The following CNBD2 variants were observed in gnomAD, a reference collection of about 807,000 sequenced individuals.
CNBD2 encodes the protein cyclic nucleotide-binding domain-containing protein 2.
In CNBD2, 64 loss-of-function variants were observed where a neutral mutation model predicts 63.7. That is an observed-to-expected ratio of 1.00 (90% CI 0.82 to 1.24). CNBD2 has a LOEUF of 1.24. CNBD2 is among the 50% of genes most tolerant of loss of function. The pLI, the probability that CNBD2 is intolerant of heterozygous loss-of-function variation, is 0.00. For synonymous variants in CNBD2, 229 were observed against 255.4 expected (o/e 0.90, Z 0.99); for missense variants, 691 against 713.5 (o/e 0.97, Z 0.36).
intron 11 of CNBD2, among the ~76,000 whole-genome samples, chr20:36,028,531 AC>A (rs1289818522): frequency 6.6e-6 from 1 of 152,160 alleles, no homozygotes; most frequent in Non-Finnish European, 1.5e-5. Context: ...CCTACAGAGC[AC>A]AGGGCGGCCC....
intron 9 of CNBD2, among the ~76,000 whole-genome samples, 174 bp from the exon 10 acceptor site, chr20:36,010,963 A>G (rs1444981336): frequency 6.6e-6 from 1 of 151,962 alleles, no homozygotes; most frequent in Non-Finnish European, 1.5e-5. Context: ...CGCACCCTCC[A>G]ATTCCTGACA....
chr20:35,988,881 T>G (rs993865913), intron 7 of CNBD2, among the ~76,000 whole-genome samples: 4 of 152,240 alleles, frequency 2.6e-5, no homozygotes, highest in African/African-American at 9.6e-5. Context: ...TACTGAGGAT[T>G]TGATATTTTT....
chr20:35,980,199 T>C (rs1238980692), intron 3 of CNBD2, among the ~76,000 whole-genome samples: 1 of 152,092 alleles, frequency 6.6e-6, no homozygotes, highest in Non-Finnish European at 1.5e-5. Context: ...GATGTCAGCG[T>C]TGATATGTGT....
At chr20:36,029,609 A>G (rs2057320581) in intron 11 of CNBD2, among the ~76,000 whole-genome samples, 1 of 152,118 alleles carries the variant, frequency 6.6e-6, no homozygotes, top group Admixed American at 6.6e-5. Context: ...GCTTTGTCAT[A>G]TTGCTGATGC....
In CNBD2 at chr20:36,009,843, A is replaced by C. The variant is rs562785145; in HGVS notation, c.1149-1294A>C. 3.3e-5 allele frequency among the ~76,000 whole-genome samples: 5 copies of C among 152,270 alleles called. No individual in the cohort carries two copies. The East Asian group carries it at 9.7e-4, about 30-fold the overall frequency. Reference sequence around the variant, plus strand: ...CGAGACTGCATCTCAAAAACAAAACAAAACCCCTTTTCTGTGCCCAGTACT... The same window carrying C: ...CGAGACTGCATCTCAAAAACAAAACCAAACCCCTTTTCTGTGCCCAGTACT... On this transcript the variant is annotated intron_variant, in intron 9 of 11. Coordinates refer to ENST00000373973, the MANE Select transcript of CNBD2 (RefSeq NM_001365709.1).
intron 2 of CNBD2, among the ~76,000 whole-genome samples, chr20:35,975,290 C>A (rs574180278): frequency 1.6e-5 from 2 of 125,156 alleles, no homozygotes; most frequent in East Asian, 2.2e-4. Context: ...CGTGAGCCAC[C>A]GCGCCCGGCC....
intron 1 of CNBD2, among the ~76,000 whole-genome samples, chr20:35,970,031 C>G (rs1386037414): frequency 2.0e-5 from 3 of 152,164 alleles, no homozygotes; most frequent in Non-Finnish European, 4.4e-5. Context: ...AGGCTCATGC[C>G]TGTAATCCCA....
intron 11 of CNBD2, among the ~76,000 whole-genome samples, chr20:36,028,361 A>G (rs759382715): frequency 2.0e-5 from 3 of 152,100 alleles, no homozygotes; most frequent in Non-Finnish European, 4.4e-5. Flanking sequence ...CGTTGAACTC[A>G]TGCCTTTCTA....
rs1047759115 is a variant in CNBD2, at chr20:35,975,995, C to T, written c.236C>T (p.Ala79Val). 1 of 1,612,448 alleles carries T rather than the reference C, an allele frequency of 6.2e-7. No homozygotes were observed. The highest frequency in any genetic ancestry group is 1.3e-5 in the African/African-American group (1 of 74,928). Reference sequence around the variant, plus strand: ...ACATTTGATACCATGGACTTCATTGCAGAGGAGGTATGCATAGCTCGAAAC... The same window carrying T: ...ACATTTGATACCATGGACTTCATTGTAGAGGAGGTATGCATAGCTCGAAAC... ...RVTFDTMDFI[A>V]EEGHFPPKAI... The change falls in exon 3 of 12, where the codon GCA (alanine) becomes GTA (valine). Residue 79 changes from alanine (A) to valine (V), a missense_variant. By Grantham distance (64) the Ala-to-Val change is moderately conservative. Transcript: ENST00000373973.
chr20:36,002,204 G>A lies in CNBD2; in HGVS notation c.971-6093G>A, dbSNP rs577282234. 4.5e-4 allele frequency among the ~76,000 whole-genome samples: 69 copies of A among 152,152 alleles called. No individual in the cohort carries two copies. The East Asian group carries it at 9.9e-3, about 22-fold the overall frequency. On this transcript the variant is annotated intron_variant, in intron 8 of 11. Coordinates refer to ENST00000373973, the MANE Select transcript of CNBD2 (RefSeq NM_001365709.1). Reference sequence around the variant, plus strand: ...GCGGTTAGGAGCTGGAGACCAGCCCGGCCAACACAGCGAAACCCCGTCTCC... The same window carrying A: ...GCGGTTAGGAGCTGGAGACCAGCCCAGCCAACACAGCGAAACCCCGTCTCC...
chr20:35,973,038 C>T, intron 2 of CNBD2: 1 of 493,858 alleles, frequency 2.0e-6, no homozygotes, highest in Non-Finnish European at 3.5e-6. Context: ...TCCACTGCAA[C>T]AGCAGGCCTG....
In CNBD2 at chr20:36,007,050, G is replaced by A. The variant is rs569825345; in HGVS notation, c.971-1247G>A. ...TAAAAATACAGAAAATTAGCTGGGCGTGGTGGTGGGCGCCTGTAGTCCCAG... is the reference window on the plus strand; with the variant it reads ...TAAAAATACAGAAAATTAGCTGGGCATGGTGGTGGGCGCCTGTAGTCCCAG... On this transcript the variant is annotated intron_variant, in intron 8 of 11. Coordinates refer to ENST00000373973, the MANE Select transcript of CNBD2 (RefSeq NM_001365709.1). 6.6e-5 allele frequency among the ~76,000 whole-genome samples: 10 copies of A among 152,142 alleles called. No individual in the cohort carries two copies. In the South Asian group the frequency reaches 1.0e-3, roughly 16 times the overall value.
In CNBD2 at chr20:35,972,739, G is replaced by T. The variant is rs1051829255; in HGVS notation, c.162G>T (p.Trp54Cys). The part of the protein sequence containing the change: ...REYQIIETAH[W>C]KHPIFSFWDK... ...ATCAAATCATTGAGACTGCTCACTG[G>T]AAGCACCCTATCTTCTCCTTCTGGG... Residue 54 changes from tryptophan (W) to cysteine (C), a missense_variant, in exon 2 of 12, where the codon TGG becomes TGT. Coordinates refer to ENST00000373973, the MANE Select transcript of CNBD2 (RefSeq NM_001365709.1). 6.2e-7 allele frequency: 1 copy of T among 1,614,120 alleles called. No homozygotes were observed.
chr20:36,023,751 G>C lies in CNBD2; in HGVS notation c.1419G>C (p.Lys473Asn), dbSNP rs984632496. Reference sequence around the variant, plus strand: ...ACGAGATGATAAAAAAGTTGTTAAAGCTCAATATTGCATTCCCCAGGTCAG... The same window carrying C: ...ACGAGATGATAAAAAAGTTGTTAAACCTCAATATTGCATTCCCCAGGTCAG... ...NDDEMIKKLLKLNIAFPSDED... is the reference protein window; with the variant it reads ...NDDEMIKKLLNLNIAFPSDED... The change falls in exon 11 of 12, where the codon AAG becomes AAC. Residue 473 changes from lysine (K) to asparagine (N), a missense_variant. Transcript: ENST00000373973. The C allele has an allele frequency of 3.7e-6, 6 of 1,612,208 alleles. No homozygotes were observed. The highest frequency in any genetic ancestry group is 5.1e-6 in the Non-Finnish European group (6 of 1,179,158).
chr20:35,984,344 T>C (rs1246318334), intron 5 of CNBD2, among the ~76,000 whole-genome samples: 1 of 152,244 alleles, frequency 6.6e-6, no homozygotes, highest in Non-Finnish European at 1.5e-5. Flanking sequence ...ATGTTCCTGA[T>C]ACAGCCCTTT....
chr20:36,006,628 A>G (rs916542099), intron 8 of CNBD2, among the ~76,000 whole-genome samples: 2 of 151,718 alleles, frequency 1.3e-5, no homozygotes, highest in Non-Finnish European at 1.5e-5. Context: ...TGTTGCCCAG[A>G]CTGGTCTCGA....
chr20:35,968,594 C>T lies in CNBD2; in HGVS notation c.-169C>T. The T allele has an allele frequency of 1.8e-6, 1 of 548,224 alleles. No individual in the cohort carries two copies. The highest frequency in any genetic ancestry group is 3.3e-6 in the Non-Finnish European group (1 of 302,018). The allele number at this position is 548,224 out of a possible 1,614,324, so 34.0% of individuals were successfully genotyped here. A position where few individuals can be genotyped will look rare whatever the true frequency, so the allele number is the denominator to read the frequency against. Reference sequence around the variant, plus strand: ...ATTCTGAGAATGATTTTTCTCAGAGCAGGGCTTCCAGTAGCTGATGGTATG... The same window carrying T: ...ATTCTGAGAATGATTTTTCTCAGAGTAGGGCTTCCAGTAGCTGATGGTATG... On this transcript the variant is annotated 5_prime_UTR_variant, in exon 1 of 12. Transcript: ENST00000373973.
At chr20:35,984,889 G>A in intron 6 of CNBD2, 111 bp downstream of exon 6, 1 of 1,158,884 alleles carries the variant, frequency 8.6e-7, no homozygotes, top group Non-Finnish European at 1.3e-6. Context: ...CTCTCTGTCT[G>A]GGATGCTCTG....
At position 35,983,368 on chromosome 20, in the gene CNBD2, G is replaced by A. The variant is rs145661648; in HGVS notation, c.408-614G>A. Among the ~76,000 whole-genome samples the A allele has an allele frequency of 1.7e-3, 257 of 152,156 alleles. 1 individual carries two copies. The highest frequency in any genetic ancestry group is 5.8e-3 in the African/African-American group (242 of 41,540). On this transcript the variant is annotated intron_variant, in intron 4 of 11. Transcript: ENST00000373973. The stretch of plus-strand genomic sequence containing the variant: ...AGAATTGAGATTTGGACTTGCATAC[G>A]AAATACAGAAACTTCCCTCTGAGTT...
Sources: allele counts gnomAD v4.1 joint callset (sites outside exome capture counted in the v4.1 genomes callset), GRCh38; gene constraint gnomAD v4.1.1; transcripts MANE v1.5; gene names NCBI Gene and HGNC (gene_info 2026-07-23, HGNC 2026-07-21).